Variants in PBX3 observed in about 807,000 individuals in gnomAD.
PBX3 encodes pre-B-cell leukemia transcription factor 3.
A neutral mutation model predicts 48.5 loss-of-function variants in PBX3; 14 were observed. That is an observed-to-expected ratio of 0.29 (90% CI 0.19 to 0.45). PBX3 has a LOEUF of 0.45. Among genes scored for constraint, PBX3 ranks in the 20% least tolerant of loss-of-function variants. The probability of loss-of-function intolerance (pLI) is 1.00; values close to 1 mark genes in which losing one functional copy is unlikely to be tolerated. For synonymous variants in PBX3, 210 were observed against 200.3 expected (o/e 1.05, Z -0.41); for missense variants, 386 against 546.7 (o/e 0.71, Z 2.93).
chr9:125,868,075 AT>A (rs1418065593), intron 2 of PBX3, among the ~76,000 whole-genome samples: 7 of 151,870 alleles, frequency 4.6e-5, no homozygotes, highest in African/African-American at 1.7e-4. Flanking sequence ...GGGTCTCACA[AT>A]GTTGTCCAGG....
At chr9:125,778,187 C>T (rs1231030203) in intron 2 of PBX3, among the ~76,000 whole-genome samples, 1 of 151,946 alleles carries the variant, frequency 6.6e-6, no homozygotes. Context: ...GTCTCAAACT[C>T]CAGACCTCAG....
intron 2 of PBX3, among the ~76,000 whole-genome samples, chr9:125,779,884 G>T (rs1189434713): frequency 8.2e-6 from 1 of 121,924 alleles, no homozygotes; most frequent in Non-Finnish European, 1.7e-5. Context: ...TGGCCGGGCG[G>T]GGGGCTGACC....
chr9:125,810,914 T>A (rs759832702), intron 2 of PBX3, among the ~76,000 whole-genome samples: 22 of 152,166 alleles, frequency 1.4e-4, no homozygotes, highest in Non-Finnish European at 1.5e-5. Flanking sequence ...AGGTGTGGTA[T>A]CTGTGCCCAG....
chr9:125,814,335 T>C (rs191156948), intron 2 of PBX3, among the ~76,000 whole-genome samples: 7 of 152,144 alleles, frequency 4.6e-5, no homozygotes, highest in African/African-American at 1.7e-4. Context: ...AACTTGTTTG[T>C]TCCATCTCTT....
intron 2 of PBX3, among the ~76,000 whole-genome samples, chr9:125,899,808 A>G (rs1840898630): frequency 6.6e-6 from 1 of 151,776 alleles, no homozygotes; most frequent in South Asian, 2.1e-4. Context: ...TTAAATTTAT[A>G]TGTGCTTGTC....
At chr9:125,860,131 T>C (rs1371548906) in intron 2 of PBX3, among the ~76,000 whole-genome samples, 2 of 152,254 alleles carry the variant, frequency 1.3e-5, no homozygotes, top group Non-Finnish European at 2.9e-5. Flanking sequence ...GTGGCTCCGC[T>C]CATTGTAGTC....
chr9:125,812,715 A>G (rs1379933134), intron 2 of PBX3, among the ~76,000 whole-genome samples: 2 of 152,230 alleles, frequency 1.3e-5, no homozygotes, highest in African/African-American at 4.8e-5. Context: ...CAGTGTTCTT[A>G]CACAAGCTTA....
At chr9:125,815,325 CTT>C (rs1479975900) in intron 2 of PBX3, among the ~76,000 whole-genome samples, 2 of 152,130 alleles carry the variant, frequency 1.3e-5, no homozygotes, top group Non-Finnish European at 2.9e-5. Flanking sequence ...TCATCTTTCT[CTT>C]TTTTGTTTTC....
intron 2 of PBX3, among the ~76,000 whole-genome samples, chr9:125,804,657 A>G (rs989925433): frequency 1.3e-5 from 2 of 152,152 alleles, no homozygotes; most frequent in Non-Finnish European, 2.9e-5. Flanking sequence ...TAAAGAAGAC[A>G]GGTGGGCGTG....
chr9:125,780,998 G>T (rs1837287642), intron 2 of PBX3, among the ~76,000 whole-genome samples: 1 of 100,106 alleles, frequency 1.0e-5, no homozygotes, highest in Non-Finnish European at 2.0e-5. Flanking sequence ...TTCCTAGATG[G>T]GATGGCGGCC....
intron 2 of PBX3, among the ~76,000 whole-genome samples, chr9:125,852,413 C>T (rs960244927): frequency 6.6e-6 from 1 of 152,024 alleles, no homozygotes; most frequent in African/African-American, 2.4e-5. Context: ...TGTTTTAATT[C>T]AAGCCGTTAA....
chr9:125,938,659 G>A (rs545341797), intron 5 of PBX3, among the ~76,000 whole-genome samples: 6 of 152,190 alleles, frequency 3.9e-5, no homozygotes, highest in Admixed American at 2.6e-4. Flanking sequence ...AGACAAAAGC[G>A]GGGAAGGAGC....
At chr9:125,874,602 G>C (rs933505347) in intron 2 of PBX3, among the ~76,000 whole-genome samples, 1 of 152,090 alleles carries the variant, frequency 6.6e-6, no homozygotes, top group Non-Finnish European at 1.5e-5. Context: ...TACCCAATAA[G>C]AGCAGAATAT....
intron 5 of PBX3, among the ~76,000 whole-genome samples, chr9:125,937,232 G>A (rs1477049492): frequency 6.6e-6 from 1 of 152,162 alleles, no homozygotes; most frequent in Non-Finnish European, 1.5e-5. Context: ...CACTTTGTGT[G>A]TAGTGTAGAG....
intron 2 of PBX3, among the ~76,000 whole-genome samples, chr9:125,784,419 G>A (rs1223420255): frequency 2.0e-5 from 3 of 152,162 alleles, no homozygotes; most frequent in African/African-American, 2.4e-5. Context: ...GTGAGCCACC[G>A]CACCCAGCCA....
In PBX3 at chr9:125,929,672, T is replaced by C. The variant is rs759116708; in HGVS notation, c.534T>C (p.Thr178=). 3 of 1,610,118 alleles carry C rather than the reference T, an allele frequency of 1.9e-6. No individual in the cohort carries two copies. Among genetic ancestry groups the C allele is most frequent in the Non-Finnish European group, 2.5e-6 (3 of 1,178,336 alleles). ...CATTACAGGCATGTAATGAATTTAC[T>C]ACACATGTGATGAACCTTCTCCGAG... is the stretch of plus-strand genomic sequence containing the variant. ...EKYEQACNEF[T]THVMNLLREQ... is the part of the protein sequence containing the mutation. The change falls in exon 4 of 9, where the codon ACT becomes ACC. Residue 178 remains threonine (T), a synonymous_variant. Coordinates refer to ENST00000373489, the MANE Select transcript of PBX3 (RefSeq NM_006195.6).
intron 2 of PBX3, among the ~76,000 whole-genome samples, chr9:125,777,253 T>C (rs894944514): frequency 3.9e-5 from 6 of 152,036 alleles, no homozygotes; most frequent in African/African-American, 1.4e-4. Context: ...GCTCAGGTAA[T>C]CTGCCTGGCC....
At chr9:125,932,651 A>T (rs1403838649) in intron 4 of PBX3, among the ~76,000 whole-genome samples, 1 of 152,270 alleles carries the variant, frequency 6.6e-6, no homozygotes, top group Non-Finnish European at 1.5e-5. Context: ...AATAAAAAGC[A>T]TTATGTAACA....
At chr9:125,853,026 A>C (rs999712302) in intron 2 of PBX3, among the ~76,000 whole-genome samples, 6 of 151,874 alleles carry the variant, frequency 4.0e-5, no homozygotes, top group Non-Finnish European at 5.9e-5. Flanking sequence ...CTCAGTGTCT[A>C]AAAACATTCT....
Sources: gnomAD v4.1 joint callset for allele counts (sites outside exome capture counted in the v4.1 genomes callset) on GRCh38, gnomAD v4.1.1 for gene constraint, MANE v1.5 for transcripts, NCBI Gene and HGNC (gene_info 2026-07-23, HGNC 2026-07-21) for gene names.